The following EPB41L3 variants were observed in gnomAD, a reference collection of about 807,000 sequenced individuals.
EPB41L3 encodes erythrocyte membrane protein band 4.1 like 3.
Under a neutral mutation model 127.1 loss-of-function variants are expected in EPB41L3, and 57 were observed. The observed-to-expected ratio is 0.45, with a 90% confidence interval of 0.36 to 0.56. The LOEUF is 0.56. Ranked by LOEUF, EPB41L3 falls within the 20% of genes least tolerant of loss-of-function variation. The probability of loss-of-function intolerance (pLI) is 0.00; values close to 1 mark genes in which losing one functional copy is unlikely to be tolerated. For missense variants in EPB41L3, 1,273 were observed against 1,372.2 expected (o/e 0.93, Z 1.14); for synonymous variants, 572 against 549.5 (o/e 1.04, Z -0.57).
At chr18:5,513,063 A>T (rs759278343) in intron 1 of EPB41L3, among the ~76,000 whole-genome samples, 4 of 152,166 alleles carry the variant, frequency 2.6e-5, no homozygotes, top group Admixed American at 6.5e-5. Flanking sequence ...GTGGTTAGGG[A>T]ATGCAGCTGC....
intron 5 of EPB41L3, among the ~76,000 whole-genome samples, chr18:5,439,296 C>G (rs2080323795): frequency 6.6e-6 from 1 of 152,150 alleles, no homozygotes; most frequent in South Asian, 2.1e-4. Flanking sequence ...CCAATACTCT[C>G]CCAAGACTTC....
chr18:5,458,704 G>A (rs1462797635), intron 3 of EPB41L3, among the ~76,000 whole-genome samples: 1 of 120,644 alleles, frequency 8.3e-6, no homozygotes, highest in Non-Finnish European at 1.7e-5. Context: ...AATTGGTCTT[G>A]TACCTAAAAA....
At chr18:5,604,075 A>T (rs961106781) in intron 3 of EPB41L3, among the ~76,000 whole-genome samples, 2 of 152,072 alleles carry the variant, frequency 1.3e-5, no homozygotes, top group African/African-American at 4.8e-5. Flanking sequence ...ATGCCCACAC[A>T]TACACATAAA....
intron 1 of EPB41L3, among the ~76,000 whole-genome samples, chr18:5,626,850 A>G (rs2094928047): frequency 6.6e-6 from 1 of 152,266 alleles, no homozygotes; most frequent in South Asian, 2.1e-4. Context: ...AAAGCATGCC[A>G]ATGTTCAGTG....
intron 3 of EPB41L3, among the ~76,000 whole-genome samples, chr18:5,585,156 C>T (rs568401574): frequency 1.2e-4 from 18 of 152,294 alleles, no homozygotes; most frequent in Admixed American, 7.8e-4. Context: ...TTGAGTTCTT[C>T]CAATTTTTCT....
chr18:5,461,563 GC>G (rs2084011469), intron 3 of EPB41L3, among the ~76,000 whole-genome samples: 1 of 152,152 alleles, frequency 6.6e-6, no homozygotes. Flanking sequence ...ACCAATCAAA[GC>G]ATTTCATGAA....
chr18:5,428,497 GT>G, intron 8 of EPB41L3, 32 bp from the exon 9 acceptor site: 3 of 1,608,202 alleles, frequency 1.9e-6, no homozygotes, highest in Non-Finnish European at 2.6e-6. Flanking sequence ...CAACAGATCA[GT>G]ATCTAACTTA....
At chr18:5,575,916 TA>T (rs2094333200) in intron 3 of EPB41L3, among the ~76,000 whole-genome samples, 1 of 152,252 alleles carries the variant, frequency 6.6e-6, no homozygotes, top group Admixed American at 6.5e-5. Context: ...CAGCCTCAGA[TA>T]TTCCTTTATA....
At chr18:5,571,459 C>T (rs1431792712) in intron 3 of EPB41L3, among the ~76,000 whole-genome samples, 2 of 152,158 alleles carry the variant, frequency 1.3e-5, no homozygotes, top group Non-Finnish European at 2.9e-5. Flanking sequence ...ATTAATTGTA[C>T]TCAGCGTGAC....
At chr18:5,536,744 T>TCACTTGAACCCGGGAGGCA (rs1234013919) in intron 1 of EPB41L3, among the ~76,000 whole-genome samples, 1 of 151,460 alleles carries the variant, frequency 6.6e-6, no homozygotes. Context: ...CCTGGGAGGC[T>TCACTTGAACCCGGGAGGCA]CACTTGAACC....
At chr18:5,435,049 C>A (rs901654013) in intron 6 of EPB41L3, among the ~76,000 whole-genome samples, 9 of 151,586 alleles carry the variant, frequency 5.9e-5, no homozygotes, top group African/African-American at 1.9e-4. Context: ...AAGTTTTTAA[C>A]AAAAGAGTTT....
At chr18:5,424,045 A>T (rs1470771917) in intron 10 of EPB41L3, among the ~76,000 whole-genome samples, 1 of 152,168 alleles carries the variant, frequency 6.6e-6, no homozygotes, top group East Asian at 1.9e-4. Context: ...ATACTAAAGA[A>T]GGGGGGTTTG....
At chr18:5,471,368 A>C (rs1203109543) in intron 3 of EPB41L3, among the ~76,000 whole-genome samples, 1 of 152,192 alleles carries the variant, frequency 6.6e-6, no homozygotes, top group Non-Finnish European at 1.5e-5. Flanking sequence ...GGAAATTTAA[A>C]GGACTTCTTC....
chr18:5,565,955 G>A (rs2094193437), intron 3 of EPB41L3, among the ~76,000 whole-genome samples: 1 of 151,916 alleles, frequency 6.6e-6, no homozygotes, highest in South Asian at 2.1e-4. Flanking sequence ...GGTATTGATG[G>A]GACGTATCTC....
chr18:5,473,751 G>A lies in EPB41L3; in HGVS notation c.381+4490C>T, dbSNP rs570177547. Among the ~76,000 whole-genome samples, 3 of 152,230 alleles carry A rather than the reference G, an allele frequency of 2.0e-5. No individual in the cohort carries two copies. The East Asian group carries it at 5.8e-4, about 29-fold the overall frequency. Reference sequence around the variant, plus strand: ...TAAGCATCAACAACAATAACAAACTGGCTGAAGGACATTGTTTGCATTCTC... The same window carrying A: ...TAAGCATCAACAACAATAACAAACTAGCTGAAGGACATTGTTTGCATTCTC... On this transcript the variant is annotated intron_variant, in intron 3 of 22. Transcript: ENST00000341928.
Position 5,405,748 on chromosome 18 carries a change from C to T in EPB41L3, c.2349+1029G>A. Among the ~76,000 whole-genome samples, 2 of 151,026 alleles carry T rather than the reference C, an allele frequency of 1.3e-5. 1 individual carries two copies. Among genetic ancestry groups the T allele is most frequent in the Non-Finnish European group, 2.9e-5 (2 of 67,916 alleles). On this transcript the variant is annotated intron_variant, in intron 16 of 22. Coordinates refer to ENST00000341928, the MANE Select transcript of EPB41L3 (RefSeq NM_012307.5). ...CGGAGGTCACACCACTGCACTTCAG[C>T]ATGGGCGACAGAGAGAAACACCATC...
intron 1 of EPB41L3, among the ~76,000 whole-genome samples, chr18:5,542,081 C>A (rs1390654886): frequency 6.6e-6 from 1 of 152,136 alleles, no homozygotes; most frequent in Non-Finnish European, 1.5e-5. Context: ...AGTATTTATT[C>A]CCTCTCACAT....
At chr18:5,479,906 T>C (rs533500801) in intron 2 of EPB41L3, among the ~76,000 whole-genome samples, 6 of 152,334 alleles carry the variant, frequency 3.9e-5, no homozygotes, top group Admixed American at 6.5e-5. Flanking sequence ...CTTGAGGTAA[T>C]TGACAGAGAA....
At chr18:5,484,733 C>T (rs112342732) in intron 2 of EPB41L3, among the ~76,000 whole-genome samples, 1,772 of 151,422 alleles carry the variant, frequency 0.012, 11 homozygotes, top group Non-Finnish European at 0.018. Context: ...ATTGGAAAAC[C>T]CAGAAGAAAC....
Sources: gnomAD v4.1 joint callset for allele counts (sites outside exome capture counted in the v4.1 genomes callset) on GRCh38, gnomAD v4.1.1 for gene constraint, MANE v1.5 for transcripts, NCBI Gene and HGNC (gene_info 2026-07-23, HGNC 2026-07-21) for gene names.